The following PRPSAP2 variants were observed in gnomAD, a reference collection of about 807,000 sequenced individuals.
The protein encoded by PRPSAP2 is phosphoribosyl pyrophosphate synthetase associated protein 2.
A neutral mutation model predicts 40.6 loss-of-function variants in PRPSAP2; 24 were observed. That is an observed-to-expected ratio of 0.59 (90% CI 0.43 to 0.83). The LOEUF (loss-of-function observed/expected upper bound fraction) is 0.83. Among genes scored for constraint, PRPSAP2 ranks in the 40% least tolerant of loss-of-function variants. The pLI, the probability that PRPSAP2 is intolerant of heterozygous loss-of-function variation, is 0.00. For missense variants in PRPSAP2, 292 were observed against 465.6 expected (o/e 0.63, Z 3.43); for synonymous variants, 149 against 164.7 (o/e 0.90, Z 0.73).
At chr17:18,883,405 T>TC (rs2038900922) in intron 7 of PRPSAP2, among the ~76,000 whole-genome samples, 1 of 147,556 alleles carries the variant, frequency 6.8e-6, no homozygotes. Flanking sequence ...TTTTCTTTCT[T>TC]TTTTTTTTTT....
intron 6 of PRPSAP2, among the ~76,000 whole-genome samples, chr17:18,880,149 A>G (rs1294432087): frequency 6.6e-6 from 1 of 152,140 alleles, no homozygotes; most frequent in Non-Finnish European, 1.5e-5. Context: ...TCAGGAGCCT[A>G]CCCCATTGTA....
chr17:18,900,515 T>C (rs1420729613), intron 8 of PRPSAP2, among the ~76,000 whole-genome samples: 3 of 152,158 alleles, frequency 2.0e-5, no homozygotes, highest in African/African-American at 7.2e-5. Context: ...TTTTCATTCA[T>C]ATTGAGATTT....
At chr17:18,875,197 C>T (rs1056235879) in intron 5 of PRPSAP2, among the ~76,000 whole-genome samples, 9 of 152,102 alleles carry the variant, frequency 5.9e-5, no homozygotes, top group Admixed American at 2.0e-4. Flanking sequence ...TGTGTTAACT[C>T]GGGTTCTCAG....
At position 18,930,216 on chromosome 17, in the gene PRPSAP2, C is replaced by CA. The variant is rs550838100; in HGVS notation, c.952-317dup. Among the ~76,000 whole-genome samples, 1,044 of 152,072 alleles carry CA rather than the reference C, an allele frequency of 6.9e-3. 14 individuals are homozygous for CA. Among genetic ancestry groups the CA allele is most frequent in the African/African-American group, 0.023 (969 of 41,480 alleles). ...TGAAACCCCGTCTCTACTAAAAATA[C>CA]AAAAAAATTACTTGAGCGTGGTGGC... On this transcript the variant is annotated intron_variant, in intron 11 of 11. Transcript: ENST00000268835.
chr17:18,875,965 C>G (rs1385233897), intron 5 of PRPSAP2, among the ~76,000 whole-genome samples: 1 of 151,998 alleles, frequency 6.6e-6, no homozygotes, highest in Non-Finnish European at 1.5e-5. Context: ...GAAACGCTCT[C>G]TCTGCTAAAA....
rs1158118371 is a variant in PRPSAP2, at chr17:18,911,642, T to G, written c.733+391T>G. On this transcript the variant is annotated intron_variant, in intron 9 of 11. Coordinates refer to ENST00000268835, the MANE Select transcript of PRPSAP2 (RefSeq NM_002767.4). The surrounding 1 kb of genome is among the most constrained non-coding windows in gnomAD (Gnocchi z 4.5). ...GAAAGGTTTAAATGGTTTACCAGAG[T>G]GTAGGGCTTGGTAAATTATACTGTG... Among the ~76,000 whole-genome samples the G allele has an allele frequency of 1.3e-5, 2 of 152,222 alleles. No individual in the cohort carries two copies. Among genetic ancestry groups the G allele is most frequent in the Non-Finnish European group, 1.5e-5 (1 of 68,036 alleles).
chr17:18,904,817 C>T (rs2040482130), intron 8 of PRPSAP2: 1 of 152,136 alleles, frequency 6.6e-6, no homozygotes, highest in African/African-American at 2.4e-5. Context: ...CTTTCTCACC[C>T]ATGATGTAAA....
intron 8 of PRPSAP2, among the ~76,000 whole-genome samples, chr17:18,898,291 C>T (rs980115299): frequency 1.3e-5 from 2 of 152,094 alleles, no homozygotes; most frequent in Admixed American, 6.6e-5. Context: ...GCCACCACAC[C>T]CAGCCAGAAT....
intron 8 of PRPSAP2, chr17:18,904,498 G>A (rs1436785841): frequency 1.3e-5 from 2 of 152,170 alleles, no homozygotes; most frequent in African/African-American, 4.8e-5. Context: ...CAAGTGATCT[G>A]CCTGCCTCGG....
intron 8 of PRPSAP2, among the ~76,000 whole-genome samples, chr17:18,897,991 CTTTTTTTTTTTTTTTT>C (rs71155370): frequency 1.7e-5 from 2 of 116,336 alleles, no homozygotes; most frequent in Non-Finnish European, 1.7e-5. Context: ...AGAATTTTTG[CTTTTTTTTTTTTTTTT>C]TTTTTTTTTT....
rs546276191 is a variant in PRPSAP2 at position 18,915,774 on chromosome 17, A to C, written c.733+4523A>C. On this transcript the variant is annotated intron_variant, in intron 9 of 11. Coordinates refer to ENST00000268835, the MANE Select transcript of PRPSAP2 (RefSeq NM_002767.4). ...ATGAAGGATCTGCCTCTGTGACCCAAACATCTCCCACTAGGCCCCACCTCT... is the reference window on the plus strand; with the variant it reads ...ATGAAGGATCTGCCTCTGTGACCCACACATCTCCCACTAGGCCCCACCTCT... Among the ~76,000 whole-genome samples the C allele has an allele frequency of 6.6e-5, 10 of 152,114 alleles. No individual in the cohort carries two copies. In the South Asian group the frequency reaches 1.5e-3, roughly 22 times the overall value.
chr17:18,922,610 T>A (rs918617551), intron 9 of PRPSAP2, among the ~76,000 whole-genome samples: 2 of 151,394 alleles, frequency 1.3e-5, no homozygotes, highest in African/African-American at 4.8e-5. Context: ...TGTCTTTTTT[T>A]GTTGAATTAT....
intron 8 of PRPSAP2, among the ~76,000 whole-genome samples, chr17:18,892,463 C>T (rs528168579): frequency 1.6e-4 from 24 of 152,180 alleles, no homozygotes; most frequent in African/African-American, 5.3e-4. Context: ...ATGAGGGTTC[C>T]AACTTCTCCA....
intron 11 of PRPSAP2, among the ~76,000 whole-genome samples, chr17:18,930,010 C>T (rs923098722): frequency 6.6e-6 from 1 of 152,156 alleles, no homozygotes; most frequent in Non-Finnish European, 1.5e-5. Context: ...TCTCTGCATC[C>T]CTCCAGTACT....
In PRPSAP2 at chr17:18,916,940, A is replaced by G. The variant is rs1023630867; in HGVS notation, c.733+5689A>G. ...CACTGTTAATACTATCACATTGGGTATTAAGTTCCAACATAGCATTTTGAG... is the reference window on the plus strand; with the variant it reads ...CACTGTTAATACTATCACATTGGGTGTTAAGTTCCAACATAGCATTTTGAG... On this transcript the variant is annotated intron_variant, in intron 9 of 11. Coordinates refer to ENST00000268835, the MANE Select transcript of PRPSAP2 (RefSeq NM_002767.4). Among the ~76,000 whole-genome samples the G allele has an allele frequency of 7.2e-5, 11 of 152,316 alleles. No individual in the cohort carries two copies. The East Asian group carries it at 1.9e-3, about 27-fold the overall frequency.
chr17:18,920,929 C>T (rs903893731), intron 9 of PRPSAP2, among the ~76,000 whole-genome samples: 2 of 151,380 alleles, frequency 1.3e-5, no homozygotes, highest in Non-Finnish European at 2.9e-5. Flanking sequence ...ATGTTGCTGC[C>T]TCCTTCTCCC....
Position 18,928,860 on chromosome 17 carries a change from T to C in PRPSAP2, c.854T>C (p.Leu285Pro), listed in dbSNP as rs1199863630. The change falls in exon 11 of 12, where the codon CTG becomes CCG. Residue 285 changes from leucine to proline, a missense_variant. By Grantham distance (98) the Leu-to-Pro change is moderately conservative. Transcript: ENST00000268835. ...AGCTTTCTTGCTGCAGCAGAGACCC[T>C]GAAGGAAAGAGGTGCATATAAGATC... ...VDSFLAAAET[L>P]KERGAYKIFV... 1.2e-6 allele frequency: 2 copies of C among 1,614,134 alleles called. No individual in the cohort carries two copies. Among genetic ancestry groups the C allele is most frequent in the South Asian group, 2.2e-5 (2 of 91,090 alleles).
chr17:18,857,587 T>TA (rs1555545122), upstream of PRPSAP2, among the ~76,000 whole-genome samples: 3 of 149,726 alleles, frequency 2.0e-5, no homozygotes, highest in African/African-American at 4.9e-5. Flanking sequence ...CTAATTTTTT[T>TA]TTTTTGTATT....
At chr17:18,868,452 G>C (rs1018143699) in intron 4 of PRPSAP2, among the ~76,000 whole-genome samples, 6 of 151,962 alleles carry the variant, frequency 3.9e-5, no homozygotes, top group South Asian at 4.1e-4. Flanking sequence ...TCCAGCCTGG[G>C]GGGGAACAAG....
Sources: allele counts gnomAD v4.1 joint callset (sites outside exome capture counted in the v4.1 genomes callset), GRCh38; gene constraint gnomAD v4.1.1; non-coding constraint Gnocchi (gnomAD v3.1); transcripts MANE v1.5; gene names NCBI Gene and HGNC (gene_info 2026-07-23, HGNC 2026-07-21).